The following PRLR variants were observed in gnomAD, a reference collection of about 807,000 sequenced individuals.
PRLR encodes the protein prolactin receptor, also known as hPRL receptor.
A neutral mutation model predicts 40.2 loss-of-function variants in PRLR; 13 were observed. The observed-to-expected ratio is 0.32, with a 90% CI of 0.21 to 0.51. The LOEUF is 0.51. Ranked by LOEUF, PRLR falls within the 20% of genes least tolerant of loss-of-function variation. PRLR has a pLI of 0.97. For synonymous variants in PRLR, 269 were observed against 278.7 expected (o/e 0.97, Z 0.35); for missense variants, 656 against 747.3 (o/e 0.88, Z 1.42).
chr5:35,210,204 T>C (rs557227470), intron 1 of PRLR, among the ~76,000 whole-genome samples: 84 of 152,312 alleles, frequency 5.5e-4, no homozygotes, highest in African/African-American at 2.0e-3. Flanking sequence ...GAATAATGTC[T>C]CTCTCCTTTG....
chr5:35,179,885 T>G (rs1278433510), intron 1 of PRLR, among the ~76,000 whole-genome samples: 1 of 152,146 alleles, frequency 6.6e-6, no homozygotes, highest in Admixed American at 6.5e-5. Context: ...GGGGTGGTTT[T>G]GGGATGATTC....
intron 1 of PRLR, among the ~76,000 whole-genome samples, chr5:35,148,317 G>C (rs1774245160): frequency 6.6e-6 from 1 of 152,122 alleles, no homozygotes; most frequent in East Asian, 1.9e-4. Context: ...TGGGAGTATA[G>C]GGTTTTTGAG....
chr5:35,205,173 T>G (rs1007917204), intron 1 of PRLR, among the ~76,000 whole-genome samples: 2 of 151,980 alleles, frequency 1.3e-5, no homozygotes, highest in African/African-American at 4.8e-5. Flanking sequence ...AAATATAAGA[T>G]AAAAATCTTA....
chr5:35,068,181 G>A (rs1769495094), intron 9 of PRLR, 35 bp downstream of exon 9: 2 of 1,531,470 alleles, frequency 1.3e-6, no homozygotes, highest in Non-Finnish European at 1.8e-6. Flanking sequence ...ACAGAGCAGT[G>A]AGTCACACTC....
intron 1 of PRLR, among the ~76,000 whole-genome samples, chr5:35,225,929 G>C (rs1282531969): frequency 6.6e-6 from 1 of 152,256 alleles, no homozygotes; most frequent in East Asian, 1.9e-4. Context: ...CAATCCACCC[G>C]CCTCGGCCTC....
At chr5:35,084,701 T>C in intron 4 of PRLR, 62 bp from the exon 5 acceptor site, 25 of 1,501,312 alleles carry the variant, frequency 1.7e-5, no homozygotes, top group Non-Finnish European at 2.2e-5. Context: ...AGTTTTTTTC[T>C]TCATAGATCA....
In PRLR at chr5:35,134,097, T is replaced by C. The variant is rs547949939; in HGVS notation, c.-105-15975A>G. Reference sequence around the variant, plus strand: ...TTGGGTTTAATGTATACTGCTCGGGTGATGGGTGCACCAAAATCTCACAAA... The same window carrying C: ...TTGGGTTTAATGTATACTGCTCGGGCGATGGGTGCACCAAAATCTCACAAA... On this transcript the variant is annotated intron_variant, in intron 1 of 9. Transcript: ENST00000618457. Among the ~76,000 whole-genome samples, 26 of 152,176 alleles carry C rather than the reference T, an allele frequency of 1.7e-4. No homozygotes were observed. The South Asian group carries it at 4.8e-3, about 28-fold the overall frequency.
Position 35,158,182 on chromosome 5 carries a change from C to T in PRLR, c.-105-40060G>A, listed in dbSNP as rs183840896. Among the ~76,000 whole-genome samples the T allele has an allele frequency of 2.9e-3, 438 of 152,304 alleles. 2 individuals are homozygous for T. The highest frequency in any genetic ancestry group is 5.0e-3 in the Non-Finnish European group (341 of 68,030). On this transcript the variant is annotated intron_variant, in intron 1 of 9. Coordinates refer to ENST00000618457, the MANE Select transcript of PRLR (RefSeq NM_000949.7). ...TCTTTGGTCCATGAAAGGTAGACCA[C>T]GAGCACCCTGGGCAGGCATCACAGT...
Position 35,064,127 on chromosome 5 carries a change from TG to T in PRLR, c.*961del, listed in dbSNP as rs1045529741. 2.6e-5 allele frequency: 4 copies of T among 152,174 alleles called. No individual in the cohort carries two copies. The highest frequency in any genetic ancestry group is 7.2e-5 in the African/African-American group (3 of 41,442). 9.4% of individuals were successfully genotyped at this position (152,174 alleles called of 1,614,324 possible). ...CCACTGAATACATAAACAGCTGTAC[TG>T]GGAAAATAGAAAATAGTCTTTTATT... On this transcript the variant is annotated 3_prime_UTR_variant, in exon 10 of 10. Coordinates refer to ENST00000618457, the MANE Select transcript of PRLR (RefSeq NM_000949.7).
chr5:35,173,223 C>A (rs997553100), intron 1 of PRLR, among the ~76,000 whole-genome samples: 14 of 152,138 alleles, frequency 9.2e-5, no homozygotes, highest in African/African-American at 2.4e-4. Context: ...CCATGGACAC[C>A]CACATACATG....
intron 2 of PRLR, among the ~76,000 whole-genome samples, chr5:35,090,508 T>C (rs1267043100): frequency 1.3e-5 from 2 of 152,088 alleles, no homozygotes; most frequent in African/African-American, 2.4e-5. Context: ...GAGAAAACAA[T>C]AGATTTAATG....
chr5:35,136,933 C>A (rs774940967), intron 1 of PRLR, among the ~76,000 whole-genome samples: 1 of 141,624 alleles, frequency 7.1e-6, no homozygotes, highest in Non-Finnish European at 1.5e-5. Context: ...AGAACTATTG[C>A]CTTCCAGAAA....
At chr5:35,050,576 G>A (rs1768461722) in intron 8 of PRLR, among the ~76,000 whole-genome samples, 6 of 152,086 alleles carry the variant, frequency 3.9e-5, no homozygotes, top group Admixed American at 3.9e-4. Flanking sequence ...ATTTCTCCTT[G>A]AAAAAAATAC....
At chr5:35,154,587 C>T (rs145003420) in intron 1 of PRLR, among the ~76,000 whole-genome samples, 17 of 152,210 alleles carry the variant, frequency 1.1e-4, no homozygotes, top group Admixed American at 3.3e-4. Flanking sequence ...GTGGCAATTC[C>T]TCAAAGACCC....
chr5:35,171,582 G>T (rs889309950), intron 1 of PRLR, among the ~76,000 whole-genome samples: 4 of 152,198 alleles, frequency 2.6e-5, no homozygotes, highest in African/African-American at 9.7e-5. Context: ...TTCATTGCTG[G>T]CATTTTAATG....
At chr5:35,162,596 C>A (rs774297830) in intron 1 of PRLR, among the ~76,000 whole-genome samples, 10 of 152,218 alleles carry the variant, frequency 6.6e-5, no homozygotes, top group Non-Finnish European at 8.8e-5. Context: ...ACTGCAGTCT[C>A]AGAATGCAAG....
At chr5:35,124,247 C>G (rs1773384084) in intron 1 of PRLR, among the ~76,000 whole-genome samples, 1 of 152,186 alleles carries the variant, frequency 6.6e-6, no homozygotes, top group African/African-American at 2.4e-5. Context: ...CTGGGCAGAG[C>G]TAAAACAAAT....
At chr5:35,136,692 C>T (rs955309125) in intron 1 of PRLR, among the ~76,000 whole-genome samples, 4 of 152,110 alleles carry the variant, frequency 2.6e-5, no homozygotes, top group East Asian at 1.9e-4. Flanking sequence ...TGACTACCTC[C>T]GCCCACCCTC....
intron 2 of PRLR, among the ~76,000 whole-genome samples, chr5:35,096,425 G>A (rs1771538347): frequency 6.6e-6 from 1 of 152,060 alleles, no homozygotes; most frequent in African/African-American, 2.4e-5. Context: ...GACAGATGGT[G>A]GAAAACCCAC....
Sources: allele counts gnomAD v4.1 joint callset (sites outside exome capture counted in the v4.1 genomes callset), GRCh38; gene constraint gnomAD v4.1.1; transcripts MANE v1.5; gene names NCBI Gene and HGNC (gene_info 2026-07-23, HGNC 2026-07-21).